Variants in EFCAB11 observed in about 807,000 individuals in gnomAD.
EFCAB11 encodes EF-hand calcium binding domain 11.
Under a neutral mutation model 23.0 loss-of-function variants are expected in EFCAB11, and 14 were observed. The observed-to-expected ratio is 0.61, with a 90% CI of 0.40 to 0.95. EFCAB11 has a LOEUF of 0.95. EFCAB11 is among the 40% of genes least tolerant of loss of function. The pLI is 0.00. For missense variants in EFCAB11, 198 were observed against 195.8 expected (o/e 1.01, Z -0.07); for synonymous variants, 65 against 66.6 (o/e 0.98, Z 0.11).
At chr14:89,865,254 G>A (rs893411167) in intron 5 of EFCAB11, among the ~76,000 whole-genome samples, 7 of 152,164 alleles carry the variant, frequency 4.6e-5, no homozygotes, top group Non-Finnish European at 1.0e-4. Context: ...GAGAGTCAAC[G>A]AATTCCTTTT....
At chr14:89,875,641 G>A (rs919659570) in intron 5 of EFCAB11, among the ~76,000 whole-genome samples, 1 of 152,198 alleles carries the variant, frequency 6.6e-6, no homozygotes, top group African/African-American at 2.4e-5. Flanking sequence ...AAAAGGAGAA[G>A]GATCAGCAGG....
chr14:89,850,326 T>C (rs1887566062), intron 5 of EFCAB11, among the ~76,000 whole-genome samples: 1 of 152,232 alleles, frequency 6.6e-6, no homozygotes, highest in African/African-American at 2.4e-5. Context: ...ACCATGTGTC[T>C]TCCTTACCTT....
At chr14:89,875,645 C>T (rs1273047440) in intron 5 of EFCAB11, among the ~76,000 whole-genome samples, 1 of 152,100 alleles carries the variant, frequency 6.6e-6, no homozygotes, top group African/African-American at 2.4e-5. Context: ...GGAGAAGGAT[C>T]AGCAGGTTAA....
chr14:89,828,285 G>A (rs779448773), intron 5 of EFCAB11, among the ~76,000 whole-genome samples: 58 of 152,174 alleles, frequency 3.8e-4, no homozygotes, highest in South Asian at 4.2e-4. Flanking sequence ...GACTTTATAC[G>A]TTTTAATTTT....
At position 89,813,190 on chromosome 14, in the gene EFCAB11, G is replaced by C. The variant is rs2140091842; in HGVS notation, c.411-15866C>G. On this transcript the variant is annotated intron_variant, in intron 5 of 5. Transcript: ENST00000316738. ...TAATACTCGGTCATTGGTGAGAACA[G>C]GACGAGAAGGGCATATACAGTGAGG... 2.0e-5 allele frequency among the ~76,000 whole-genome samples: 3 copies of C among 152,316 alleles called. No individual in the cohort carries two copies. In the Middle Eastern group the frequency reaches 0.01, roughly 518 times the overall value.
chr14:89,943,367 CCT>C (rs1003272590), intron 3 of EFCAB11, among the ~76,000 whole-genome samples: 49 of 151,860 alleles, frequency 3.2e-4, no homozygotes, highest in African/African-American at 1.2e-3. Flanking sequence ...ACCTCAGCCC[CCT>C]GAGTAGCTGG....
intron 5 of EFCAB11, among the ~76,000 whole-genome samples, chr14:89,815,836 A>T (rs1056275774): frequency 3.9e-5 from 6 of 152,202 alleles, no homozygotes; most frequent in South Asian, 2.1e-4. Context: ...CCTAAAGATT[A>T]GGGTTTTGAC....
intron 5 of EFCAB11, among the ~76,000 whole-genome samples, chr14:89,894,443 GC>G (rs1298955762): frequency 2.2e-5 from 3 of 138,208 alleles, no homozygotes; most frequent in East Asian, 4.1e-4. Context: ...CCCCCGACAG[GC>G]CCCCAGTATG....
At chr14:89,950,011 T>G in intron 3 of EFCAB11, 86 bp downstream of exon 3, 1 of 1,369,502 alleles carries the variant, frequency 7.3e-7, no homozygotes, top group Non-Finnish European at 9.9e-7. Context: ...ACATAGGAAT[T>G]TGAGATGAGA....
At chr14:89,871,182 T>C (rs941646577) in intron 5 of EFCAB11, among the ~76,000 whole-genome samples, 2 of 152,160 alleles carry the variant, frequency 1.3e-5, no homozygotes, top group Non-Finnish European at 2.9e-5. Flanking sequence ...CAGACAAGAG[T>C]GCAGGAGGGA....
chr14:89,822,081 T>A (rs553407313), intron 5 of EFCAB11, among the ~76,000 whole-genome samples: 1 of 152,130 alleles, frequency 6.6e-6, no homozygotes, highest in African/African-American at 2.4e-5. Context: ...AACTCGAGGT[T>A]TTTTTTATGT....
intron 5 of EFCAB11, among the ~76,000 whole-genome samples, chr14:89,891,671 T>C (rs1236449642): frequency 6.6e-6 from 1 of 151,860 alleles, no homozygotes; most frequent in Non-Finnish European, 1.5e-5. Flanking sequence ...AAATTACAGC[T>C]CCATTTTAGA....
chr14:89,827,323 C>T (rs910419562), intron 5 of EFCAB11, among the ~76,000 whole-genome samples: 11 of 152,100 alleles, frequency 7.2e-5, no homozygotes, highest in African/African-American at 9.7e-5. Context: ...CATAGGAAAA[C>T]GCACGAAACT....
At chr14:89,849,447 G>C (rs1210403104) in intron 5 of EFCAB11, among the ~76,000 whole-genome samples, 1 of 152,162 alleles carries the variant, frequency 6.6e-6, no homozygotes, top group Non-Finnish European at 1.5e-5. Context: ...ATCTATTTTG[G>C]TAGGGAAGAA....
At chr14:89,868,486 T>A (rs867102495) in intron 5 of EFCAB11, among the ~76,000 whole-genome samples, 3 of 152,114 alleles carry the variant, frequency 2.0e-5, no homozygotes, top group African/African-American at 7.2e-5. Context: ...TACACCAAGA[T>A]AAAATACTCC....
At chr14:89,900,600 C>T (rs1441751194) in intron 5 of EFCAB11, among the ~76,000 whole-genome samples, 1 of 152,216 alleles carries the variant, frequency 6.6e-6, no homozygotes, top group Non-Finnish European at 1.5e-5. Context: ...TTCCGGAACA[C>T]AGCCAGTGGG....
intron 5 of EFCAB11, among the ~76,000 whole-genome samples, chr14:89,917,754 C>T (rs990257589): frequency 6.6e-6 from 1 of 151,974 alleles, no homozygotes; most frequent in African/African-American, 2.4e-5. Flanking sequence ...CTTCTTTGAC[C>T]AAAAAAATAA....
chr14:89,939,257 T>C (rs1890707765), intron 3 of EFCAB11, among the ~76,000 whole-genome samples: 1 of 150,588 alleles, frequency 6.6e-6, no homozygotes, highest in Non-Finnish European at 1.5e-5. Context: ...ACATACTATA[T>C]TCCTTGCTGT....
intron 5 of EFCAB11, among the ~76,000 whole-genome samples, chr14:89,895,940 A>G (rs1252046953): frequency 6.6e-6 from 1 of 152,234 alleles, no homozygotes; most frequent in African/African-American, 2.4e-5. Context: ...TCAATAGAAG[A>G]TGCAATCGAA....
Sources: gnomAD v4.1 joint callset for allele counts (sites outside exome capture counted in the v4.1 genomes callset) on GRCh38, gnomAD v4.1.1 for gene constraint, MANE v1.5 for transcripts, NCBI Gene and HGNC (gene_info 2026-07-23, HGNC 2026-07-21) for gene names.